GLIS3: variants seen among roughly 807,000 people sequenced by gnomAD.
The protein encoded by GLIS3 is zinc finger protein GLIS3.
Under a neutral mutation model 78.6 loss-of-function variants are expected in GLIS3, and 53 were observed. That is an observed-to-expected ratio of 0.67 (90% CI 0.54 to 0.85). GLIS3 has a LOEUF of 0.85. Ranked by LOEUF, GLIS3 falls within the 40% of genes least tolerant of loss-of-function variation. GLIS3 has a pLI of 0.00. For missense variants in GLIS3, 1,703 were observed against 1,231.1 expected, an observed-to-expected ratio of 1.38 and a Z score of -5.74; for synonymous variants, 684 against 509.9, an observed-to-expected ratio of 1.34 and a Z score of -4.60.
At chr9:3,915,715 A>G (rs979728430) in intron 6 of GLIS3, among the ~76,000 whole-genome samples, 7 of 152,164 alleles carry the variant, frequency 4.6e-5, no homozygotes, top group Non-Finnish European at 8.8e-5. Context: ...GAAAGATGCT[A>G]TTACTGGAAG....
At chr9:4,096,834 A>G (rs1829990303) in intron 4 of GLIS3, among the ~76,000 whole-genome samples, 1 of 151,978 alleles carries the variant, frequency 6.6e-6, no homozygotes, top group Admixed American at 6.5e-5. Flanking sequence ...CAACATGGCA[A>G]AATTCCGTCT....
intron 4 of GLIS3, among the ~76,000 whole-genome samples, chr9:3,985,722 CAT>C (rs1416240235): frequency 3.3e-5 from 5 of 152,198 alleles, no homozygotes; most frequent in African/African-American, 9.7e-5. Context: ...AATTTTAGCT[CAT>C]GTGAGAAATC....
At chr9:4,236,204 A>AAAAAAAAAAAAAAAAAAAAAAG (rs536737911) in intron 2 of GLIS3, among the ~76,000 whole-genome samples, 25 of 86,380 alleles carry the variant, frequency 2.9e-4, no homozygotes, top group East Asian at 1.4e-3. Flanking sequence ...AAAAAAAAAA[A>AAAAAAAAAAAAAAAAAAAAAAG]AAAGAAAGAA....
chr9:4,006,304 C>CAAAAAAAAA (rs71497513), intron 4 of GLIS3, among the ~76,000 whole-genome samples: 1 of 32,546 alleles, frequency 3.1e-5, no homozygotes, highest in Non-Finnish European at 6.7e-5. Flanking sequence ...TCATATGTCT[C>CAAAAAAAAA]AAAAAAAAAA....
At chr9:4,119,735 T>C (rs1309720161) in intron 3 of GLIS3, among the ~76,000 whole-genome samples, 1 of 152,208 alleles carries the variant, frequency 6.6e-6, no homozygotes, top group Non-Finnish European at 1.5e-5. Flanking sequence ...TCTCCTATTC[T>C]TCTTACCCTT....
chr9:4,176,823 C>G (rs572283540), intron 2 of GLIS3, among the ~76,000 whole-genome samples: 1 of 152,212 alleles, frequency 6.6e-6, no homozygotes, highest in Non-Finnish European at 1.5e-5. Context: ...GGGGTTTCAC[C>G]ACATTGGCCA....
chr9:4,279,908 G>C (rs1355570247), intron 2 of GLIS3, among the ~76,000 whole-genome samples: 10 of 151,074 alleles, frequency 6.6e-5, no homozygotes, highest in Admixed American at 6.6e-4. Context: ...AAAAAAAACA[G>C]CTATAAAGGA....
At chr9:3,867,716 TGTG>T (rs987047787) in intron 8 of GLIS3, among the ~76,000 whole-genome samples, 5 of 4,394 alleles carry the variant, frequency 1.1e-3, no homozygotes, top group African/African-American at 2.2e-3. Context: ...CAACAATTCT[TGTG>T]TGTGTGTGTG....
At chr9:4,159,670 G>C (rs923818953) in intron 2 of GLIS3, among the ~76,000 whole-genome samples, 8 of 151,660 alleles carry the variant, frequency 5.3e-5, no homozygotes, top group Non-Finnish European at 1.0e-4. Flanking sequence ...AGTGAGCCGA[G>C]ATCGCACCAG....
At chr9:4,043,078 T>G (rs1034990731) in intron 4 of GLIS3, among the ~76,000 whole-genome samples, 1 of 152,156 alleles carries the variant, frequency 6.6e-6, no homozygotes, top group African/African-American at 2.4e-5. Context: ...GGAGCCACAA[T>G]GCTCTCAGCT....
chr9:4,474,618 A>G, the GLIS3 span, among the ~76,000 whole-genome samples: 1 of 152,030 alleles, frequency 6.6e-6, no homozygotes, highest in Non-Finnish European at 1.5e-5. Context: ...AACATATAAT[A>G]TCTTCATACC....
chr9:4,207,612 C>T (rs1819996365), intron 2 of GLIS3, among the ~76,000 whole-genome samples: 1 of 152,154 alleles, frequency 6.6e-6, no homozygotes, highest in African/African-American at 2.4e-5. Context: ...ACATTATTGC[C>T]TTTAATCTCC....
intron 8 of GLIS3, among the ~76,000 whole-genome samples, chr9:3,864,869 T>C (rs1820470198): frequency 2.0e-5 from 3 of 152,314 alleles, no homozygotes; most frequent in South Asian, 2.1e-4. Context: ...CAGCACCTTA[T>C]CTAGTTCTAC....
At chr9:4,168,652 T>C (rs1816098400) in intron 2 of GLIS3, among the ~76,000 whole-genome samples, 1 of 152,214 alleles carries the variant, frequency 6.6e-6, no homozygotes, top group South Asian at 2.1e-4. Flanking sequence ...CATTTTTACT[T>C]TAAAAAAGAT....
At chr9:4,413,604 T>A in the GLIS3 span, among the ~76,000 whole-genome samples, 1 of 152,030 alleles carries the variant, frequency 6.6e-6, no homozygotes. Context: ...TGCTCTGACA[T>A]GAAAAGTTCT....
chr9:4,233,330 C>G (rs974361594), intron 2 of GLIS3, among the ~76,000 whole-genome samples: 2 of 152,180 alleles, frequency 1.3e-5, no homozygotes, highest in Non-Finnish European at 2.9e-5. Context: ...GTACTTTATA[C>G]CAGGACCAAA....
chr9:4,183,847 A>G (rs1443494503), intron 2 of GLIS3, among the ~76,000 whole-genome samples: 2 of 152,168 alleles, frequency 1.3e-5, no homozygotes. Context: ...CTGACTTTCA[A>G]TTAGCCTTTC....
intron 6 of GLIS3, among the ~76,000 whole-genome samples, chr9:3,913,762 C>G (rs1588213318): frequency 1.3e-5 from 2 of 152,166 alleles, no homozygotes; most frequent in African/African-American, 4.8e-5. Context: ...TTTGTAATAG[C>G]TATTTAGAAA....
chr9:4,387,703 T>C, the GLIS3 span, among the ~76,000 whole-genome samples: 1 of 152,210 alleles, frequency 6.6e-6, no homozygotes, highest in Non-Finnish European at 1.5e-5. Context: ...AATTTCTTCA[T>C]CAATCCCCTA....
Sources: allele counts gnomAD v4.1 joint callset (sites outside exome capture counted in the v4.1 genomes callset), GRCh38; gene constraint gnomAD v4.1.1; transcripts MANE v1.5; gene names NCBI Gene and HGNC (gene_info 2026-07-23, HGNC 2026-07-21).